FCHSD2: variants seen among roughly 807,000 people sequenced by gnomAD.
The protein encoded by FCHSD2 is F-BAR and double SH3 domains protein 2.
Under a neutral mutation model 108.1 loss-of-function variants are expected in FCHSD2, and 38 were observed. That is an observed-to-expected ratio of 0.35 (90% CI 0.27 to 0.46). FCHSD2 has a LOEUF of 0.46. Among genes scored for constraint, FCHSD2 ranks in the 20% least tolerant of loss-of-function variants. The pLI, the probability that FCHSD2 is intolerant of heterozygous loss-of-function variation, is 1.00. For synonymous variants in FCHSD2, 279 were observed against 314.7 expected (o/e 0.89, Z 1.20); for missense variants, 751 against 897.8 (o/e 0.84, Z 2.09).
intron 10 of FCHSD2, among the ~76,000 whole-genome samples, chr11:72,895,264 T>C (rs1403996045): frequency 6.6e-6 from 1 of 152,142 alleles, no homozygotes; most frequent in Non-Finnish European, 1.5e-5. Context: ...AATATACCCA[T>C]TAAGGCTGGG....
intron 13 of FCHSD2, among the ~76,000 whole-genome samples, chr11:72,854,801 T>C (rs971454286): frequency 6.6e-6 from 1 of 152,228 alleles, no homozygotes; most frequent in Non-Finnish European, 1.5e-5. Context: ...TGGGGAGTTA[T>C]TGCTTAATGG....
At chr11:72,957,039 T>C (rs534765147) in intron 8 of FCHSD2, among the ~76,000 whole-genome samples, 29 of 152,170 alleles carry the variant, frequency 1.9e-4, no homozygotes, top group African/African-American at 2.4e-4. Flanking sequence ...TTTTCTTCTT[T>C]TTTTTTATTA....
chr11:73,108,638 G>A (rs942990408), intron 2 of FCHSD2, among the ~76,000 whole-genome samples: 1 of 152,040 alleles, frequency 6.6e-6, no homozygotes, highest in African/African-American at 2.4e-5. Flanking sequence ...GCGCAATCTC[G>A]GCTCACTGCA....
At chr11:72,911,620 T>C (rs1242525818) in intron 9 of FCHSD2, among the ~76,000 whole-genome samples, 1 of 152,228 alleles carries the variant, frequency 6.6e-6, no homozygotes, top group Non-Finnish European at 1.5e-5. Flanking sequence ...TCCATCAACA[T>C]GGAATATCTT....
At chr11:73,020,508 A>G (rs563428955) in intron 3 of FCHSD2, among the ~76,000 whole-genome samples, 1 of 152,346 alleles carries the variant, frequency 6.6e-6, no homozygotes, top group East Asian at 1.9e-4. Flanking sequence ...GAACAAGTTC[A>G]CTGCATAAGC....
chr11:73,056,830 C>A (rs1375687061), intron 3 of FCHSD2, among the ~76,000 whole-genome samples: 1 of 152,132 alleles, frequency 6.6e-6, no homozygotes, highest in Non-Finnish European at 1.5e-5. Flanking sequence ...CGCCTGTAAT[C>A]CCAGCACTTT....
At chr11:72,990,585 A>C (rs1263739244) in intron 5 of FCHSD2, among the ~76,000 whole-genome samples, 1 of 152,224 alleles carries the variant, frequency 6.6e-6, no homozygotes, top group Non-Finnish European at 1.5e-5. Context: ...TGCAAACTGA[A>C]CAACCTGCTC....
chr11:73,122,885 G>C (rs1860766855), intron 2 of FCHSD2, among the ~76,000 whole-genome samples: 1 of 152,192 alleles, frequency 6.6e-6, no homozygotes, highest in Admixed American at 6.5e-5. Context: ...TGCAGATTAA[G>C]TAAATGTCAT....
chr11:72,879,047 T>C (rs1357081710), intron 12 of FCHSD2, among the ~76,000 whole-genome samples: 1 of 151,878 alleles, frequency 6.6e-6, no homozygotes, highest in Non-Finnish European at 1.5e-5. Flanking sequence ...GAGGCAGAGG[T>C]TGCACTGAGC....
chr11:73,002,403 T>C (rs11235628), intron 4 of FCHSD2, among the ~76,000 whole-genome samples: 34,092 of 152,062 alleles, frequency 0.22, 4,596 homozygotes, highest in Middle Eastern at 0.37. Context: ...ACTGATGAAG[T>C]TAAGAGCAGC....
intron 3 of FCHSD2, among the ~76,000 whole-genome samples, chr11:73,041,211 G>C (rs1462756665): frequency 1.3e-5 from 2 of 152,076 alleles, no homozygotes; most frequent in Admixed American, 6.6e-5. Context: ...ATATCCCTTC[G>C]ATATACTGAT....
At chr11:73,106,178 AAGG>A (rs1860337525) in intron 2 of FCHSD2, among the ~76,000 whole-genome samples, 1 of 152,138 alleles carries the variant, frequency 6.6e-6, no homozygotes, top group South Asian at 2.1e-4. Flanking sequence ...AGAAACATAA[AAGG>A]AGGACTGCTT....
At position 73,087,007 on chromosome 11, in the gene FCHSD2, T is replaced by C. The variant is rs145244617; in HGVS notation, c.120-3267A>G. 6.0e-4 allele frequency among the ~76,000 whole-genome samples: 92 copies of C among 152,304 alleles called. 1 individual carries two copies. The highest frequency in any genetic ancestry group is 7.9e-4 in the Non-Finnish European group (54 of 68,014). ...TTATATGAGGTCCTACAGCTAACTG[T>C]AAAACAGCCTCAGGCAGTTCCTTCA... On this transcript the variant is annotated intron_variant, in intron 2 of 19. Coordinates refer to ENST00000409418, the MANE Select transcript of FCHSD2 (RefSeq NM_014824.3).
intron 19 of FCHSD2, among the ~76,000 whole-genome samples, chr11:72,839,485 A>C (rs563837940): frequency 6.6e-6 from 1 of 152,310 alleles, no homozygotes; most frequent in African/African-American, 2.4e-5. Context: ...TCTGAATGAG[A>C]GTTGACAATA....
chr11:72,925,774 T>C (rs1360856447), intron 8 of FCHSD2, among the ~76,000 whole-genome samples: 1 of 152,072 alleles, frequency 6.6e-6, no homozygotes, highest in Non-Finnish European at 1.5e-5. Context: ...ATTGCTGGGG[T>C]TGCACACTCC....
intron 2 of FCHSD2, among the ~76,000 whole-genome samples, chr11:73,090,556 C>G (rs1269576419): frequency 6.6e-6 from 1 of 152,066 alleles, no homozygotes; most frequent in Non-Finnish European, 1.5e-5. Context: ...CATTTCCTCA[C>G]GTCAAAAACT....
chr11:72,971,686 C>G (rs1857009207), intron 8 of FCHSD2, among the ~76,000 whole-genome samples: 1 of 152,028 alleles, frequency 6.6e-6, no homozygotes, highest in African/African-American at 2.4e-5. Context: ...CCTGAATGAC[C>G]CTGGAAGGAG....
At chr11:72,977,462 T>C (rs902292896) in intron 8 of FCHSD2, among the ~76,000 whole-genome samples, 1 of 152,106 alleles carries the variant, frequency 6.6e-6, no homozygotes, top group Non-Finnish European at 1.5e-5. Context: ...AACCAGAATA[T>C]ATAAGGAGCT....
At chr11:73,136,192 AG>A (rs1861116322) in intron 2 of FCHSD2, among the ~76,000 whole-genome samples, 1 of 150,882 alleles carries the variant, frequency 6.6e-6, no homozygotes, top group East Asian at 2.0e-4. Context: ...AGAAAAAAGA[AG>A]GGACGTAATG....
Sources: allele counts gnomAD v4.1 joint callset (sites outside exome capture counted in the v4.1 genomes callset), GRCh38; gene constraint gnomAD v4.1.1; transcripts MANE v1.5; gene names NCBI Gene and HGNC (gene_info 2026-07-23, HGNC 2026-07-21).